ELOVL5: variants seen among roughly 807,000 people sequenced by gnomAD.
The protein encoded by ELOVL5 is ELOVL fatty acid elongase 5.
Under a neutral mutation model 38.6 loss-of-function variants are expected in ELOVL5, and 8 were observed. That is an observed-to-expected ratio of 0.21 (90% CI 0.12 to 0.37). The LOEUF (loss-of-function observed/expected upper bound fraction) is 0.37, where lower values mean the gene tolerates loss of function less well. ELOVL5 is among the 10% of genes least tolerant of loss of function. The pLI is 1.00. For synonymous variants in ELOVL5, 127 were observed against 133.7 expected (o/e 0.95, Z 0.34); for missense variants, 280 against 367.8 (o/e 0.76, Z 1.95).
intron 1 of ELOVL5, among the ~76,000 whole-genome samples, chr6:53,339,316 T>C (rs927590008): frequency 8.5e-5 from 13 of 152,220 alleles, no homozygotes; most frequent in South Asian, 2.1e-4. Flanking sequence ...CTGATACTTA[T>C]AGCCATTACA....
At chr6:53,279,227 A>G (rs1161128179) in intron 3 of ELOVL5, among the ~76,000 whole-genome samples, 1 of 152,206 alleles carries the variant, frequency 6.6e-6, no homozygotes, top group African/African-American at 2.4e-5. Context: ...ATAGGATTAA[A>G]CATAAGTGTT....
At chr6:53,283,672 A>G (rs1034171090) in intron 3 of ELOVL5, among the ~76,000 whole-genome samples, 1 of 152,208 alleles carries the variant, frequency 6.6e-6, no homozygotes, top group Non-Finnish European at 1.5e-5. Flanking sequence ...CAAATGAAGG[A>G]AGTAGGAGTG....
At position 53,321,001 on chromosome 6, in the gene ELOVL5, G is replaced by A. The variant is rs118048090; in HGVS notation, c.-8-25294C>T. ...TATATGGAGACCCATGAGAAAAATA[G>A]GGAAAGAGCAATTACAATGGCAACA... is the stretch of plus-strand genomic sequence containing the variant. On this transcript the variant is annotated intron_variant, in intron 1 of 7. Transcript: ENST00000304434. 4.0e-4 allele frequency among the ~76,000 whole-genome samples: 61 copies of A among 152,274 alleles called. 1 individual carries two copies. In the East Asian group the frequency reaches 0.011, roughly 28 times the overall value.
chr6:53,268,117 C>T lies in ELOVL5; in HGVS notation c.*1010G>A, dbSNP rs41273870. 5 of 151,928 alleles carry T rather than the reference C, an allele frequency of 3.3e-5. No individual in the cohort carries two copies. Among genetic ancestry groups the T allele is most frequent in the Admixed American group, 6.6e-5 (1 of 15,246 alleles). The allele number at this position is 151,928 out of a possible 1,614,324, so 9.4% of individuals were successfully genotyped here. ...TTTGTTAATTTTGGTAAACTAGGCA[C>T]ATTTTACAAGGAAATCTGTGTCAAA... On this transcript the variant is annotated 3_prime_UTR_variant, in exon 8 of 8. Coordinates refer to ENST00000304434, the MANE Select transcript of ELOVL5 (RefSeq NM_021814.5).
chr6:53,320,679 A>G (rs927226116), intron 1 of ELOVL5, among the ~76,000 whole-genome samples: 4 of 152,078 alleles, frequency 2.6e-5, no homozygotes, highest in Non-Finnish European at 1.5e-5. Context: ...GCTAGGACAT[A>G]GCATAGTAGA....
At chr6:53,288,803 T>C (rs1766665642) in intron 3 of ELOVL5, among the ~76,000 whole-genome samples, 1 of 152,210 alleles carries the variant, frequency 6.6e-6, no homozygotes, top group Non-Finnish European at 1.5e-5. Flanking sequence ...TAGTGGCTCA[T>C]GTCTGTAATC....
At chr6:53,337,424 G>A (rs1482170579) in intron 1 of ELOVL5, 7 of 152,162 alleles carry the variant, frequency 4.6e-5, no homozygotes, top group South Asian at 2.1e-4. Flanking sequence ...AGGAAAAGGT[G>A]TCTAGCAATT....
chr6:53,346,225 T>C (rs1269982626), intron 1 of ELOVL5, among the ~76,000 whole-genome samples: 3 of 152,234 alleles, frequency 2.0e-5, no homozygotes, highest in Non-Finnish European at 2.9e-5. Context: ...TCCATGTCCC[T>C]GCAAAAGACA....
intron 1 of ELOVL5, among the ~76,000 whole-genome samples, chr6:53,296,689 T>G (rs1038172380): frequency 2.0e-5 from 3 of 152,194 alleles, no homozygotes; most frequent in Non-Finnish European, 4.4e-5. Context: ...CTTCTAAGAT[T>G]CTATAGCTCC....
chr6:53,310,491 G>T (rs1767785471), intron 1 of ELOVL5, among the ~76,000 whole-genome samples: 1 of 152,146 alleles, frequency 6.6e-6, no homozygotes, highest in Non-Finnish European at 1.5e-5. Context: ...GGGCACACTG[G>T]GAAGACTTAA....
At chr6:53,304,626 C>T (rs1767405581) in intron 1 of ELOVL5, among the ~76,000 whole-genome samples, 1 of 152,104 alleles carries the variant, frequency 6.6e-6, no homozygotes, top group Admixed American at 6.5e-5. Context: ...GTGGTGATGA[C>T]TCTCAACGAG....
Position 53,269,391 on chromosome 6 carries a change from A to G in ELOVL5, c.757-121T>C, listed in dbSNP as rs944849668. 6.7e-5 allele frequency: 45 copies of G among 674,040 alleles called. No homozygotes were observed. In the African/African-American group the frequency reaches 7.5e-4, roughly 11 times the overall value. The allele number at this position is 674,040 out of a possible 1,614,324, so 41.8% of individuals were successfully genotyped here. ...CAAGATCAAATCTTATCAAGGAGAA[A>G]CTCCTGAGGTCAAGTCCTCATTGAC... On this transcript the variant is annotated intron_variant, in intron 7 of 7. Coordinates refer to ENST00000304434, the MANE Select transcript of ELOVL5 (RefSeq NM_021814.5).
chr6:53,348,466 C>T (rs563897686), intron 1 of ELOVL5, among the ~76,000 whole-genome samples: 27 of 152,220 alleles, frequency 1.8e-4, no homozygotes, highest in African/African-American at 6.5e-4. Context: ...TCCATCCCTC[C>T]GCGTCTGGTG....
At chr6:53,293,314 T>TATTC (rs1441061405) in intron 2 of ELOVL5, among the ~76,000 whole-genome samples, 1 of 152,092 alleles carries the variant, frequency 6.6e-6, no homozygotes, top group African/African-American at 2.4e-5. Flanking sequence ...ATTTTTTTAT[T>TATTC]ATTCATTTAT....
At chr6:53,277,736 C>T (rs999212802) in intron 3 of ELOVL5, 1 of 152,216 alleles carries the variant, frequency 6.6e-6, no homozygotes, top group African/African-American at 2.4e-5. Context: ...GCAGGCTGAT[C>T]AGAAGTCCTA....
intron 1 of ELOVL5, among the ~76,000 whole-genome samples, chr6:53,335,644 G>T (rs1424356422): frequency 6.6e-6 from 1 of 152,090 alleles, no homozygotes; most frequent in Non-Finnish European, 1.5e-5. Context: ...AGTGAGTGGG[G>T]ACTGCTGGTC....
At chr6:53,348,617 C>T (rs1769687341) in intron 1 of ELOVL5, among the ~76,000 whole-genome samples, 200 bp downstream of exon 1, 1 of 152,330 alleles carries the variant, frequency 6.6e-6, no homozygotes, top group Admixed American at 6.5e-5. Flanking sequence ...TTCCCCGCGC[C>T]CGAGGAGCCG....
chr6:53,291,866 GTATTT>G lies in ELOVL5; in HGVS notation c.151_155del (p.Lys51HisfsTer4), dbSNP rs1766786972. On this transcript the variant is annotated frameshift_variant, in exon 3 of 8. Transcript: ENST00000304434. LOFTEE classifies it high-confidence loss of function. ...AAGAGAATGGCTGTTTATTCCTCAT[GTATTT>G]TGGTCCCAGCCATACAATTAGTAAA... 1 of 1,613,476 alleles carries G rather than the reference GTATTT, an allele frequency of 6.2e-7. No individual in the cohort carries two copies. The highest frequency in any genetic ancestry group is 1.1e-5 in the South Asian group (1 of 91,078).
At chr6:53,317,978 T>C (rs995182337) in intron 1 of ELOVL5, among the ~76,000 whole-genome samples, 13 of 152,154 alleles carry the variant, frequency 8.5e-5, no homozygotes, top group Admixed American at 4.6e-4. Context: ...ATCCTTACTA[T>C]GTGCCAGTCT....
Sources: allele counts gnomAD v4.1 joint callset (sites outside exome capture counted in the v4.1 genomes callset), GRCh38; gene constraint gnomAD v4.1.1; transcripts MANE v1.5; gene names NCBI Gene and HGNC (gene_info 2026-07-23, HGNC 2026-07-21).